Variants in WDR3 observed in about 807,000 individuals in gnomAD.
WDR3 encodes the protein WD repeat-containing protein 3.
Under a neutral mutation model 123.7 loss-of-function variants are expected in WDR3, and 81 were observed. The observed-to-expected ratio is 0.65, with a 90% confidence interval of 0.55 to 0.79. The LOEUF (loss-of-function observed/expected upper bound fraction) is 0.79, where lower values mean the gene tolerates loss of function less well. Ranked by LOEUF, WDR3 falls within the 30% of genes least tolerant of loss-of-function variation. The probability of loss-of-function intolerance (pLI) is 0.00; values close to 1 mark genes in which losing one functional copy is unlikely to be tolerated. For missense variants in WDR3, 1,027 were observed against 1,123.2 expected, an observed-to-expected ratio of 0.91 and a Z score of 1.22; for synonymous variants, 390 against 388.8, an observed-to-expected ratio of 1.00 and a Z score of -0.04.
At chr1:117,934,770 A>T (rs1650856978) in intron 3 of WDR3, 88 bp downstream of exon 3, 1 of 1,344,678 alleles carries the variant, frequency 7.4e-7, no homozygotes, top group South Asian at 1.3e-5. Flanking sequence ...ATTGTCAGGT[A>T]AAACAATGGG....
At chr1:117,937,968 T>C (rs10923448) in intron 4 of WDR3, among the ~76,000 whole-genome samples, 66,142 of 152,002 alleles carry the variant, frequency 0.44, 14,615 homozygotes, top group South Asian at 0.51. Flanking sequence ...AGAACAGCAA[T>C]GGACAAAGAG....
chr1:117,964,078 C>T lies in WDR3; in HGVS notation c.*4631C>T, dbSNP rs1396899752. 3 of 911,634 alleles carry T rather than the reference C, an allele frequency of 3.3e-6. No individual in the cohort carries two copies. The highest frequency in any genetic ancestry group is 4.9e-6 in the Non-Finnish European group (3 of 606,874). 56.5% of individuals were successfully genotyped at this position (911,634 alleles called of 1,614,324 possible). A position where few individuals can be genotyped will look rare whatever the true frequency, so the allele number is the denominator to read the frequency against. ...GGTAACTGTCTATCCAATGCAAATT[C>T]TGCATGCTCAGGCTTGGGGGTTAGA... On this transcript the variant is annotated 3_prime_UTR_variant, in exon 27 of 27. Transcript: ENST00000349139.
At chr1:117,945,978 T>C (rs1045048992) in intron 11 of WDR3, 108 bp from the exon 12 acceptor site, 28 of 660,732 alleles carry the variant, frequency 4.2e-5, no homozygotes, top group East Asian at 4.0e-4. Flanking sequence ...AAGACTTTTA[T>C]CTTCTTTTAT....
In WDR3 at chr1:117,959,018, A is replaced by G. The variant is rs1234576929; in HGVS notation, c.2676+15A>G. On this transcript the variant is annotated intron_variant, in intron 26 of 26. Transcript: ENST00000349139. ...GCCAAGTCCGGGTAAGTGTCTTTGT[A>G]TAGAGATAAAATAATGAGGCAAATT... is the stretch of plus-strand genomic sequence containing the variant. The G allele has an allele frequency of 6.8e-6, 11 of 1,611,768 alleles. No individual in the cohort carries two copies. Among genetic ancestry groups the G allele is most frequent in the Non-Finnish European group, 8.5e-6 (10 of 1,178,192 alleles).
chr1:117,941,323 C>CT, intron 8 of WDR3, 98 bp downstream of exon 8: 1 of 1,194,330 alleles, frequency 8.4e-7, no homozygotes, highest in Non-Finnish European at 1.2e-6. Context: ...TTTCTTGACT[C>CT]ATGTTAATAA....
intron 24 of WDR3, among the ~76,000 whole-genome samples, chr1:117,956,308 A>G (rs1652187703): frequency 6.6e-6 from 1 of 152,186 alleles, no homozygotes. Context: ...CATTTTTGCA[A>G]TAATTGTTAT....
At chr1:117,935,234 G>A (rs1194876031) in intron 3 of WDR3, among the ~76,000 whole-genome samples, 3 of 152,056 alleles carry the variant, frequency 2.0e-5, no homozygotes, top group Non-Finnish European at 4.4e-5. Context: ...GATTTATATA[G>A]CTAAAGCTAT....
intron 21 of WDR3, 94 bp downstream of exon 21, chr1:117,953,635 T>C (rs1009292303): frequency 2.9e-6 from 4 of 1,371,050 alleles, no homozygotes; most frequent in Non-Finnish European, 4.0e-6. Flanking sequence ...AGCCATTTTT[T>C]TGGCAAAAAG....
intron 20 of WDR3, 59 bp downstream of exon 20, chr1:117,953,055 T>C (rs929755842): frequency 7.0e-6 from 11 of 1,560,892 alleles, no homozygotes; most frequent in Non-Finnish European, 4.4e-6. Context: ...TTATTGAAAT[T>C]GACTATAATG....
Position 117,936,868 on chromosome 1 carries a change from AAGAACC to A in WDR3, c.482_487del (p.Lys161_Leu163delinsMet). On this transcript the variant is annotated inframe_deletion, in exon 4 of 27. Transcript: ENST00000349139. ...CACACAAGCATTGTTTCTACGAGAA[AAGAACC>A]TGCTAGTTACTAGGTAAAGAAATAA... The A allele has an allele frequency of 1.2e-6, 2 of 1,612,926 alleles. No individual in the cohort carries two copies.
At chr1:117,953,262 T>C (rs1381841306) in intron 20 of WDR3, among the ~76,000 whole-genome samples, 1 of 152,130 alleles carries the variant, frequency 6.6e-6, no homozygotes, top group Non-Finnish European at 1.5e-5. Flanking sequence ...AGCACAAAAA[T>C]AAAAATTAGA....
chr1:117,957,731 G>T (rs1407253683), intron 25 of WDR3, among the ~76,000 whole-genome samples: 1 of 152,178 alleles, frequency 6.6e-6, no homozygotes, highest in African/African-American at 2.4e-5. Flanking sequence ...TATCATTAGT[G>T]TATTTTATGT....
At chr1:117,942,405 A>G (rs746607177) in intron 9 of WDR3, 32 bp from the exon 10 acceptor site, 2 of 1,580,606 alleles carry the variant, frequency 1.3e-6, no homozygotes, top group Non-Finnish European at 1.7e-6. Flanking sequence ...TAGAAAAATA[A>G]GAGCATGATA....
At chr1:117,955,413 T>A in intron 24 of WDR3, 55 bp downstream of exon 24, 1 of 1,507,082 alleles carries the variant, frequency 6.6e-7, no homozygotes. Context: ...ATTTATGAAG[T>A]GCTTATCTGA....
intron 3 of WDR3, among the ~76,000 whole-genome samples, 196 bp downstream of exon 3, chr1:117,934,878 T>G (rs901424489): frequency 6.6e-6 from 1 of 152,218 alleles, no homozygotes; most frequent in African/African-American, 2.4e-5. Context: ...TCATATTTTC[T>G]GATAAAAGCC....
intron 8 of WDR3, 128 bp downstream of exon 8, chr1:117,941,353 T>A: frequency 1.2e-6 from 1 of 829,374 alleles, no homozygotes; most frequent in Non-Finnish European, 1.9e-6. Context: ...TGGTACTGTG[T>A]GGACCTATAA....
rs200123393 is a variant in WDR3, at chr1:117,939,473, A to G, written c.580-4A>G. On this transcript the variant is annotated splice_region_variant and splice_polypyrimidine_tract_variant and intron_variant, in intron 5 of 26. Coordinates refer to ENST00000349139, the MANE Select transcript of WDR3 (RefSeq NM_006784.3). ...TATTACTCAAATCTTTTTATATTCT[A>G]TAGGTATGGGGGTTGGTTCTGTTGT... 136 of 1,595,186 alleles carry G rather than the reference A, an allele frequency of 8.5e-5. No homozygotes were observed. The highest frequency in any genetic ancestry group is 5.0e-4 in the Middle Eastern group (3 of 5,974).
intron 16 of WDR3, among the ~76,000 whole-genome samples, 155 bp from the exon 17 acceptor site, chr1:117,951,821 G>A (rs771871870): frequency 6.6e-6 from 1 of 152,172 alleles, no homozygotes; most frequent in Non-Finnish European, 1.5e-5. Context: ...CTGTAGGTAA[G>A]AGCAAAGAAT....
chr1:117,932,442 T>C (rs997705688), intron 1 of WDR3, among the ~76,000 whole-genome samples: 1 of 152,222 alleles, frequency 6.6e-6, no homozygotes, highest in Admixed American at 6.5e-5. Flanking sequence ...AGAGATGAGA[T>C]GGTGTTTTCT....
Sources: allele counts gnomAD v4.1 joint callset (sites outside exome capture counted in the v4.1 genomes callset), GRCh38; gene constraint gnomAD v4.1.1; transcripts MANE v1.5; gene names NCBI Gene and HGNC (gene_info 2026-07-23, HGNC 2026-07-21).